The following COL15A1 variants were observed in gnomAD, a reference collection of about 807,000 sequenced individuals.
COL15A1 encodes the protein collagen alpha-1(XV) chain.
A neutral mutation model predicts 165.9 loss-of-function variants in COL15A1; 111 were observed. The ratio of observed to expected loss-of-function variants is 0.67; its 90% CI spans 0.57 to 0.78. The LOEUF (loss-of-function observed/expected upper bound fraction) is 0.78, where lower values mean the gene tolerates loss of function less well. Ranked by LOEUF, COL15A1 falls within the 30% of genes least tolerant of loss-of-function variation. The probability of loss-of-function intolerance (pLI) is 0.00; values close to 1 mark genes in which losing one functional copy is unlikely to be tolerated. For missense variants in COL15A1, 1,745 were observed against 1,789.7 expected (o/e 0.98, Z 0.45); for synonymous variants, 659 against 674.8 (o/e 0.98, Z 0.36).
intron 2 of COL15A1, among the ~76,000 whole-genome samples, chr9:98,964,656 T>C (rs756766499): frequency 5.3e-5 from 8 of 152,174 alleles, no homozygotes; most frequent in Non-Finnish European, 1.0e-4. Context: ...GGGTACCTAG[T>C]GTGTACCAAG....
intron 4 of COL15A1, 148 bp from the exon 5 acceptor site, chr9:98,989,030 A>ACG (rs1838369625): frequency 1.8e-6 from 1 of 559,312 alleles, no homozygotes; most frequent in South Asian, 1.9e-5. Context: ...ATAGACACAC[A>ACG]CACACACACA....
At chr9:99,029,475 A>C (rs1426642729) in intron 16 of COL15A1, among the ~76,000 whole-genome samples, 1 of 152,208 alleles carries the variant, frequency 6.6e-6, no homozygotes, top group African/African-American at 2.4e-5. Context: ...AGAAAAGAGA[A>C]GTAAGCTGCT....
intron 22 of COL15A1, among the ~76,000 whole-genome samples, chr9:99,038,938 A>G (rs920733379): frequency 6.6e-6 from 1 of 152,260 alleles, no homozygotes; most frequent in African/African-American, 2.4e-5. Context: ...AAGCAGTGGA[A>G]GCTTCCAGTC....
chr9:98,964,626 A>G (rs1456129581), intron 2 of COL15A1, among the ~76,000 whole-genome samples: 1 of 152,204 alleles, frequency 6.6e-6, no homozygotes, highest in Non-Finnish European at 1.5e-5. Context: ...CACAGATTCA[A>G]ATGCATTCCT....
chr9:98,985,735 T>G lies in COL15A1; in HGVS notation c.271T>G (p.Phe91Val). ...CATCCCATCCACCTTCTTCAGGGAC[T>G]TCGCCATCAGCGTCGTGGTGAAGCC... is the stretch of plus-strand genomic sequence containing the variant. Reference protein sequence around the residue: ...TLIPSTFFRDFAISVVVKPSS... With the variant: ...TLIPSTFFRDVAISVVVKPSS... Residue 91 changes from phenylalanine (F) to valine (V), a missense_variant, in exon 3 of 42, where the codon TTC becomes GTC. Phe to Val is a conservative substitution (Grantham distance 50, BLOSUM62 -1). Coordinates refer to ENST00000375001, the MANE Select transcript of COL15A1 (RefSeq NM_001855.5). 1 of 1,614,230 alleles carries G rather than the reference T, an allele frequency of 6.2e-7. No homozygotes were observed. Among genetic ancestry groups the G allele is most frequent in the South Asian group, 1.1e-5 (1 of 91,092 alleles).
intron 2 of COL15A1, among the ~76,000 whole-genome samples, chr9:98,948,383 G>T (rs1295301993): frequency 1.3e-5 from 2 of 152,120 alleles, no homozygotes; most frequent in Non-Finnish European, 2.9e-5. Flanking sequence ...CAGATCATTA[G>T]GTCAGGAGAT....
chr9:99,013,565 A>AC, intron 9 of COL15A1, among the ~76,000 whole-genome samples: 1 of 150,406 alleles, frequency 6.6e-6, no homozygotes, highest in East Asian at 2.0e-4. Context: ...AAAAAAAAAA[A>AC]CAGCTAAGAC....
In COL15A1 at chr9:98,987,369, G is replaced by C; in HGVS notation, c.723+1G>C. On this transcript the variant is annotated splice_donor_variant, in intron 4 of 41. Coordinates refer to ENST00000375001, the MANE Select transcript of COL15A1 (RefSeq NM_001855.5). LOFTEE classifies it high-confidence loss of function. ...GCTGTGTGACCCTGAAGAGTCCTCG[G>C]TGAGCTCCCCTACTATCCCACAGTG... 1 of 1,609,540 alleles carries C rather than the reference G, an allele frequency of 6.2e-7. No individual in the cohort carries two copies. The highest frequency in any genetic ancestry group is 8.5e-7 in the Non-Finnish European group (1 of 1,177,948).
intron 9 of COL15A1, among the ~76,000 whole-genome samples, chr9:99,012,697 C>G (rs1481972546): frequency 1.4e-5 from 2 of 147,804 alleles, no homozygotes; most frequent in African/African-American, 5.0e-5. Flanking sequence ...TTATTTGTTT[C>G]CCACCCTTTT....
At position 99,069,981 on chromosome 9, in the gene COL15A1, G is replaced by GTTTTTT; in HGVS notation, c.*102_*107dup. The GTTTTTT allele has an allele frequency of 1.3e-6, 1 of 788,528 alleles. No individual in the cohort carries two copies. Among genetic ancestry groups the GTTTTTT allele is most frequent in the Non-Finnish European group, 1.9e-6 (1 of 526,384 alleles). 48.8% of individuals were successfully genotyped at this position (788,528 alleles called of 1,614,324 possible). The stretch of plus-strand genomic sequence containing the variant: ...ATGTTTAATTGTTGTAAATATTACA[G>GTTTTTT]TTTTTTTTTTTTACTACATATTCTT... On this transcript the variant is annotated 3_prime_UTR_variant, in exon 42 of 42. Coordinates refer to ENST00000375001, the MANE Select transcript of COL15A1 (RefSeq NM_001855.5).
chr9:98,976,986 G>C (rs1838152258), intron 2 of COL15A1, among the ~76,000 whole-genome samples: 1 of 152,118 alleles, frequency 6.6e-6, no homozygotes, highest in Admixed American at 6.5e-5. Flanking sequence ...AGGCTCAAGG[G>C]TGTAAAATGT....
chr9:98,994,403 A>T (rs1838508352), intron 5 of COL15A1, among the ~76,000 whole-genome samples: 1 of 152,026 alleles, frequency 6.6e-6, no homozygotes, highest in South Asian at 2.1e-4. Flanking sequence ...GGCCCCTCCC[A>T]GCTCCCATTT....
intron 16 of COL15A1, among the ~76,000 whole-genome samples, chr9:99,033,145 G>T (rs1839235799): frequency 6.6e-6 from 1 of 152,178 alleles, no homozygotes; most frequent in Non-Finnish European, 1.5e-5. Flanking sequence ...GCCTCTGTTG[G>T]TGCAGACTGT....
chr9:98,971,686 T>C (rs1838057149), intron 2 of COL15A1, among the ~76,000 whole-genome samples: 1 of 152,190 alleles, frequency 6.6e-6, no homozygotes, highest in Non-Finnish European at 1.5e-5. Flanking sequence ...CTTCCTGAGA[T>C]TGGATATGCT....
chr9:99,025,757 G>A (rs894426787), intron 15 of COL15A1, 147 bp from the exon 16 acceptor site: 1 of 770,156 alleles, frequency 1.3e-6, no homozygotes, highest in East Asian at 2.7e-5. Context: ...CCTGGGCCAA[G>A]GACTAGGTTC....
intron 7 of COL15A1, among the ~76,000 whole-genome samples, chr9:99,002,211 TC>T (rs1478391568): frequency 4.1e-5 from 6 of 144,616 alleles, no homozygotes; most frequent in Non-Finnish European, 9.1e-5. Flanking sequence ...CTTTTCTCTT[TC>T]TCCCTCACCT....
At chr9:98,964,592 T>G (rs58524131) in intron 2 of COL15A1, among the ~76,000 whole-genome samples, 1 of 152,208 alleles carries the variant, frequency 6.6e-6, no homozygotes, top group Non-Finnish European at 1.5e-5. Context: ...TCAACGTCAT[T>G]GCATGTGAAC....
intron 5 of COL15A1, among the ~76,000 whole-genome samples, chr9:98,996,516 G>C (rs983683661): frequency 6.6e-6 from 1 of 152,206 alleles, no homozygotes; most frequent in Non-Finnish European, 1.5e-5. Context: ...CATTTTCATA[G>C]GTGTTTTCAT....
chr9:99,061,934 G>C (rs1212752887), intron 36 of COL15A1, 37 bp from the exon 37 acceptor site: 1 of 1,595,632 alleles, frequency 6.3e-7, no homozygotes, highest in East Asian at 2.2e-5. Context: ...TTCCTCTAAT[G>C]ATAATGGCAG....
Sources: allele counts gnomAD v4.1 joint callset (sites outside exome capture counted in the v4.1 genomes callset), GRCh38; gene constraint gnomAD v4.1.1; transcripts MANE v1.5; gene names NCBI Gene and HGNC (gene_info 2026-07-23, HGNC 2026-07-21).